The following CNTN4 variants were observed in gnomAD, a reference collection of about 807,000 sequenced individuals.
CNTN4 encodes the protein contactin 4.
In CNTN4, 77 loss-of-function variants were observed where a neutral mutation model predicts 122.5. The ratio of observed to expected loss-of-function variants is 0.63; its 90% confidence interval spans 0.52 to 0.76. The LOEUF is 0.76. Ranked by LOEUF, CNTN4 falls within the 30% of genes least tolerant of loss-of-function variation. CNTN4 has a pLI of 0.00. For missense variants in CNTN4, 1,256 were observed against 1,259.1 expected (o/e 1.00, Z 0.04); for synonymous variants, 512 against 447.0 (o/e 1.15, Z -1.83).
intron 2 of CNTN4, among the ~76,000 whole-genome samples, chr3:2,144,977 C>T (rs1228536534): frequency 2.0e-5 from 3 of 152,150 alleles, no homozygotes; most frequent in South Asian, 2.1e-4. Flanking sequence ...ACATCATTTT[C>T]GCTCCCCTAG....
chr3:2,745,620 A>T lies in CNTN4; in HGVS notation c.281A>T (p.Asp94Val), dbSNP rs142230652. Residue 94 changes from aspartate (D) to valine (V), a missense_variant, in exon 6 of 25, where the codon GAT (aspartate) becomes GTT (valine). Transcript: ENST00000418658. The stretch of plus-strand genomic sequence containing the variant: ...ATCAATAACCCCAATAAAACCCAAG[A>T]TGCTGGAACGTACCAGTGCACAGCG... ...LLINNPNKTQ[D>V]AGTYQCTATN... 1.9e-6 allele frequency: 3 copies of T among 1,614,200 alleles called. No individual in the cohort carries two copies. The highest frequency in any genetic ancestry group is 2.7e-5 in the African/African-American group (2 of 75,070).
intron 2 of CNTN4, among the ~76,000 whole-genome samples, chr3:2,112,621 G>T (rs1220572212): frequency 6.6e-6 from 1 of 152,012 alleles, no homozygotes; most frequent in Non-Finnish European, 1.5e-5. Flanking sequence ...CTATTGTATG[G>T]GATTCAAAGA....
chr3:2,685,698 G>C (rs1463077541), intron 4 of CNTN4, among the ~76,000 whole-genome samples: 1 of 151,904 alleles, frequency 6.6e-6, no homozygotes, highest in Non-Finnish European at 1.5e-5. Flanking sequence ...TTTTTTTGTT[G>C]TTGTTGTTCT....
Position 2,198,964 on chromosome 3 carries a change from T to G in CNTN4, c.-145+98325T>G, listed in dbSNP as rs76418776. Reference sequence around the variant, plus strand: ...TGTTCTGAGCAGGCACACAAAGAAATGACTGGGGAAGCCGAATCATCGTTT... The same window carrying G: ...TGTTCTGAGCAGGCACACAAAGAAAGGACTGGGGAAGCCGAATCATCGTTT... On this transcript the variant is annotated intron_variant, in intron 2 of 24. Transcript: ENST00000418658. Among the ~76,000 whole-genome samples the G allele has an allele frequency of 8.1e-3, 1,240 of 152,256 alleles. 15 individuals are homozygous for G. Among genetic ancestry groups the G allele is most frequent in the African/African-American group, 0.028 (1,174 of 41,560 alleles).
chr3:2,486,959 A>C (rs73806658), intron 3 of CNTN4, among the ~76,000 whole-genome samples: 2,401 of 152,314 alleles, frequency 0.016, 67 homozygotes, highest in African/African-American at 0.054. Context: ...TTTTTTAAAA[A>C]AAATAAGTTA....
intron 2 of CNTN4, among the ~76,000 whole-genome samples, chr3:2,115,992 G>A (rs753211934): frequency 6.6e-6 from 1 of 152,186 alleles, no homozygotes; most frequent in Non-Finnish European, 1.5e-5. Context: ...TTTATGCAGT[G>A]AGACTTAAAT....
chr3:3,054,245 G>A (rs1701559076), intron 24 of CNTN4, among the ~76,000 whole-genome samples: 1 of 152,164 alleles, frequency 6.6e-6, no homozygotes, highest in African/African-American at 2.4e-5. Context: ...GTGTCAACCT[G>A]TGTAGTTTGC....
chr3:2,302,956 A>AG (rs2042577298), intron 2 of CNTN4, among the ~76,000 whole-genome samples: 1 of 152,204 alleles, frequency 6.6e-6, no homozygotes, highest in Non-Finnish European at 1.5e-5. Flanking sequence ...ATAATGGTGG[A>AG]GCCACCCTGG....
At chr3:2,205,109 A>G (rs534425339) in intron 2 of CNTN4, among the ~76,000 whole-genome samples, 98 of 151,850 alleles carry the variant, frequency 6.5e-4, no homozygotes, top group Non-Finnish European at 1.2e-3. Context: ...CCAATTGTCT[A>G]GCAAGATTTT....
chr3:2,232,465 GT>G (rs1386090341), intron 2 of CNTN4, among the ~76,000 whole-genome samples: 6 of 152,162 alleles, frequency 3.9e-5, no homozygotes, highest in African/African-American at 1.2e-4. Flanking sequence ...TACAATGCAA[GT>G]TTTTTTAATA....
chr3:2,514,506 ATAAT>A (rs755565080), intron 3 of CNTN4, among the ~76,000 whole-genome samples: 24 of 152,236 alleles, frequency 1.6e-4, no homozygotes, highest in African/African-American at 5.5e-4. Flanking sequence ...TGAATGAAAA[ATAAT>A]TAATTTAGTA....
chr3:2,501,609 C>T (rs2076596475), intron 3 of CNTN4, among the ~76,000 whole-genome samples: 1 of 152,166 alleles, frequency 6.6e-6, no homozygotes, highest in Admixed American at 6.5e-5. Context: ...ACTCCCCACC[C>T]TCACTTCCGT....
intron 6 of CNTN4, among the ~76,000 whole-genome samples, chr3:2,817,679 T>C (rs2150221236): frequency 6.6e-6 from 1 of 152,372 alleles, no homozygotes; most frequent in African/African-American, 2.4e-5. Context: ...AGATGATACG[T>C]GATCTCTACT....
intron 2 of CNTN4, among the ~76,000 whole-genome samples, chr3:2,165,086 G>A (rs948621985): frequency 6.6e-6 from 1 of 152,160 alleles, no homozygotes; most frequent in Non-Finnish European, 1.5e-5. Flanking sequence ...ACTTTGGGAG[G>A]CTGAAGCAGG....
intron 3 of CNTN4, among the ~76,000 whole-genome samples, chr3:2,460,106 G>A (rs557217507): frequency 2.0e-5 from 3 of 151,990 alleles, no homozygotes; most frequent in Non-Finnish European, 4.4e-5. Context: ...AATATAGCAG[G>A]TGTAGAGTTA....
Position 2,801,869 on chromosome 3 carries a change from A to G in CNTN4, c.359-17617A>G, listed in dbSNP as rs80247922. Among the ~76,000 whole-genome samples the G allele has an allele frequency of 3.4e-3, 514 of 152,310 alleles. 4 individuals carry two copies. The highest frequency in any genetic ancestry group is 0.012 in the African/African-American group (495 of 41,572). ...TTCTGAGTTTCAAATATTTTCTACA[A>G]TTAAAGTTTATACTTAATGCCATCC... On this transcript the variant is annotated intron_variant, in intron 6 of 24. Coordinates refer to ENST00000418658, the MANE Select transcript of CNTN4 (RefSeq NM_175607.3).
intron 3 of CNTN4, among the ~76,000 whole-genome samples, chr3:2,456,104 A>G (rs779012902): frequency 1.4e-4 from 22 of 152,068 alleles, no homozygotes; most frequent in Admixed American, 1.3e-3. Context: ...GTCACCTGCT[A>G]TCTGCACAGC....
chr3:2,113,299 A>T (rs1405994968), intron 2 of CNTN4, among the ~76,000 whole-genome samples: 1 of 152,306 alleles, frequency 6.6e-6, no homozygotes, highest in East Asian at 1.9e-4. Context: ...AAAAGCATGC[A>T]TTCTAGTTGG....
intron 2 of CNTN4, among the ~76,000 whole-genome samples, chr3:2,227,145 G>T (rs1158974180): frequency 6.6e-6 from 1 of 151,768 alleles, no homozygotes; most frequent in Non-Finnish European, 1.5e-5. Flanking sequence ...AATTATTTGG[G>T]GACCAATGGC....
Sources: gnomAD v4.1 joint callset for allele counts (sites outside exome capture counted in the v4.1 genomes callset) on GRCh38, gnomAD v4.1.1 for gene constraint, MANE v1.5 for transcripts, NCBI Gene and HGNC (gene_info 2026-07-23, HGNC 2026-07-21) for gene names.